The following NR2C1 variants were observed in gnomAD, a reference collection of about 807,000 sequenced individuals.
NR2C1 encodes the protein nuclear receptor subfamily 2 group C member 1.
A neutral mutation model predicts 74.8 loss-of-function variants in NR2C1; 33 were observed. The observed-to-expected ratio is 0.44, with a 90% confidence interval of 0.33 to 0.59. The LOEUF (loss-of-function observed/expected upper bound fraction) is 0.59, where lower values mean the gene tolerates loss of function less well. Ranked by LOEUF, NR2C1 falls within the 20% of genes least tolerant of loss-of-function variation. The pLI is 0.02. For synonymous variants in NR2C1, 225 were observed against 240.6 expected (o/e 0.94, Z 0.60); for missense variants, 568 against 715.6 (o/e 0.79, Z 2.35).
Position 95,058,010 on chromosome 12 carries a change from A to G in NR2C1, c.545-132T>C, listed in dbSNP as rs922414150. ...TACTAAACTCCAAAGATAACCATCA[A>G]TCTTTAGAAATTATGTGCAAGTTCA... On this transcript the variant is annotated intron_variant, in intron 5 of 13. Coordinates refer to ENST00000333003, the MANE Select transcript of NR2C1 (RefSeq NM_003297.4). 2.5e-5 allele frequency: 21 copies of G among 831,730 alleles called. 1 individual carries two copies. Among genetic ancestry groups the G allele is most frequent in the Middle Eastern group, 3.1e-4 (1 of 3,200 alleles). The allele number at this position is 831,730 out of a possible 1,614,324, so 51.5% of individuals were successfully genotyped here.
chr12:95,031,846 C>T (rs1870151798), intron 10 of NR2C1, among the ~76,000 whole-genome samples: 1 of 152,086 alleles, frequency 6.6e-6, no homozygotes, highest in South Asian at 2.1e-4. Context: ...AGGTAAATAC[C>T]TTTTAAAAGA....
chr12:95,031,027 GTA>G (rs1351233480), intron 11 of NR2C1, among the ~76,000 whole-genome samples: 1 of 152,264 alleles, frequency 6.6e-6, no homozygotes, highest in South Asian at 2.1e-4. Context: ...TTGCTGAGTA[GTA>G]TATGTTTTAA....
At chr12:95,051,384 G>T (rs1872982504) in intron 8 of NR2C1, among the ~76,000 whole-genome samples, 1 of 152,152 alleles carries the variant, frequency 6.6e-6, no homozygotes, top group Non-Finnish European at 1.5e-5. Context: ...GCCCACTAAG[G>T]ATGATAAAAT....
chr12:95,022,393 G>A lies in NR2C1; in HGVS notation c.1648C>T (p.Leu550=). The change falls in exon 14 of 14, where the codon CTA becomes TTA. Residue 550 remains leucine (L), a synonymous_variant. Transcript: ENST00000333003. ...YPDDTYRLSR[L]LLRLPALRLM... is the part of the protein sequence containing the mutation. ...CTTAAAGCTGGCAATCTGAGTAGTA[G>A]TCTGGATAACCTAAAAAAAGAAAGA... 5 of 1,607,724 alleles carry A rather than the reference G, an allele frequency of 3.1e-6. No homozygotes were observed. Among genetic ancestry groups the A allele is most frequent in the Non-Finnish European group, 4.2e-6 (5 of 1,178,580 alleles).
chr12:95,056,612 TA>T (rs1320385694), intron 7 of NR2C1, among the ~76,000 whole-genome samples: 4 of 151,900 alleles, frequency 2.6e-5, no homozygotes, highest in Admixed American at 2.0e-4. Context: ...CACTAAAAAA[TA>T]AAAAAAGTAT....
intron 1 of NR2C1, among the ~76,000 whole-genome samples, 177 bp from the exon 2 acceptor site, chr12:95,067,568 C>CT (rs1875906138): frequency 6.6e-6 from 1 of 150,652 alleles, no homozygotes; most frequent in Non-Finnish European, 1.5e-5. Flanking sequence ...TTCCATGTGT[C>CT]TTTTTTATTT....
intron 2 of NR2C1, chr12:95,066,957 G>T: frequency 5.0e-6 from 1 of 200,664 alleles, no homozygotes; most frequent in Admixed American, 6.0e-5. Flanking sequence ...TTAAAAAAAT[G>T]AAGATGTCAG....
At chr12:95,040,619 G>A (rs1871405979) in intron 9 of NR2C1, 22 bp from the exon 10 acceptor site, 13 of 1,569,924 alleles carry the variant, frequency 8.3e-6, no homozygotes, top group Non-Finnish European at 1.1e-5. Flanking sequence ...AGGGATTTAG[G>A]TAAATTATCT....
chr12:95,057,713 G>A lies in NR2C1; in HGVS notation c.692+18C>T. On this transcript the variant is annotated intron_variant, in intron 6 of 13. Transcript: ENST00000333003. Reference sequence around the variant, plus strand: ...GAAAAACAAAATGACCAGCTACTCAGTGTCTGTTTTACTTTACCTTGTACT... The same window carrying A: ...GAAAAACAAAATGACCAGCTACTCAATGTCTGTTTTACTTTACCTTGTACT... 6.2e-7 allele frequency: 1 copy of A among 1,613,310 alleles called. No homozygotes were observed. Among genetic ancestry groups the A allele is most frequent in the Non-Finnish European group, 8.5e-7 (1 of 1,179,588 alleles).
At chr12:95,065,621 C>A (rs564600138) in intron 2 of NR2C1, among the ~76,000 whole-genome samples, 1 of 152,122 alleles carries the variant, frequency 6.6e-6, no homozygotes, top group Admixed American at 6.5e-5. Context: ...TATAAACAAT[C>A]CAATTATACT....
At chr12:95,037,319 C>T (rs835043) in intron 10 of NR2C1, among the ~76,000 whole-genome samples, 18,667 of 152,188 alleles carry the variant, frequency 0.12, 1,483 homozygotes, top group Non-Finnish European at 0.18. Flanking sequence ...ACTGAAACTA[C>T]AAATCTTAAA....
At chr12:95,066,822 A>G (rs116887098) in intron 2 of NR2C1, 4,522 of 154,354 alleles carry the variant, frequency 0.029, 131 homozygotes, top group Middle Eastern at 0.091. Flanking sequence ...GAAAAGGCAA[A>G]TAACATTTCA....
At chr12:95,025,116 T>G in intron 13 of NR2C1, 34 bp downstream of exon 13, 1 of 986,644 alleles carries the variant, frequency 1.0e-6, no homozygotes, top group Non-Finnish European at 1.5e-6. Context: ...GGTTTTTCAA[T>G]TATTTTAATT....
At chr12:95,040,815 C>T (rs1461835485) in intron 9 of NR2C1, among the ~76,000 whole-genome samples, 1 of 152,124 alleles carries the variant, frequency 6.6e-6, no homozygotes, top group Non-Finnish European at 1.5e-5. Flanking sequence ...TTTAGACAAG[C>T]AGAACCTCAA....
intron 7 of NR2C1, among the ~76,000 whole-genome samples, chr12:95,057,264 CCA>C (rs1874059298): frequency 6.6e-6 from 1 of 151,596 alleles, no homozygotes; most frequent in South Asian, 2.1e-4. Context: ...GCCACCACGC[CCA>C]GTTAATTTTT....
intron 11 of NR2C1, among the ~76,000 whole-genome samples, chr12:95,028,784 C>T (rs907081900): frequency 2.0e-5 from 3 of 151,958 alleles, no homozygotes; most frequent in South Asian, 2.1e-4. Flanking sequence ...CGCATGCCAC[C>T]GCGCCCAGCT....
At chr12:95,034,905 T>C (rs753412855) in intron 10 of NR2C1, among the ~76,000 whole-genome samples, 6 of 152,112 alleles carry the variant, frequency 3.9e-5, no homozygotes, top group African/African-American at 7.2e-5. Flanking sequence ...TCAGATTACA[T>C]AGCCATCATT....
chr12:95,037,398 ACAAT>A (rs1018832901), intron 10 of NR2C1, among the ~76,000 whole-genome samples: 19 of 152,230 alleles, frequency 1.2e-4, no homozygotes, highest in Non-Finnish European at 8.8e-5. Flanking sequence ...CTGTATACTG[ACAAT>A]CAACACCTTT....
At chr12:95,065,928 C>A (rs985047150) in intron 2 of NR2C1, among the ~76,000 whole-genome samples, 11 of 145,696 alleles carry the variant, frequency 7.5e-5, no homozygotes, top group Admixed American at 1.4e-4. Context: ...CCAGCCTGGA[C>A]AACAGAGCGA....
Sources: allele counts gnomAD v4.1 joint callset (sites outside exome capture counted in the v4.1 genomes callset), GRCh38; gene constraint gnomAD v4.1.1; transcripts MANE v1.5; gene names NCBI Gene and HGNC (gene_info 2026-07-23, HGNC 2026-07-21).